Variants in SEMA5A observed in about 807,000 individuals in gnomAD.
SEMA5A encodes the protein semaphorin 5A, also known as semaphorin-5A.
Under a neutral mutation model 135.5 loss-of-function variants are expected in SEMA5A, and 55 were observed. That is an observed-to-expected ratio of 0.41 (90% CI 0.33 to 0.51). The LOEUF is 0.51. Among genes scored for constraint, SEMA5A ranks in the 20% least tolerant of loss-of-function variants. The pLI, the probability that SEMA5A is intolerant of heterozygous loss-of-function variation, is 0.37. For missense variants in SEMA5A, 1,290 were observed against 1,419.9 expected (o/e 0.91, Z 1.47); for synonymous variants, 580 against 546.5 (o/e 1.06, Z -0.85).
At chr5:9,214,669 A>G (rs3026329) in intron 8 of SEMA5A, among the ~76,000 whole-genome samples, 4,466 of 152,208 alleles carry the variant, frequency 0.029, 236 homozygotes, top group African/African-American at 0.1. Context: ...ATTAGTTCTG[A>G]AACTCTGGGT....
intron 4 of SEMA5A, among the ~76,000 whole-genome samples, chr5:9,331,837 T>A (rs558160109): frequency 6.6e-6 from 1 of 152,366 alleles, no homozygotes; most frequent in South Asian, 2.1e-4. Context: ...AGCAAGTTAA[T>A]CTTTCCTTTT....
Position 9,223,825 on chromosome 5 carries a change from T to C in SEMA5A, c.646+849A>G, listed in dbSNP as rs530721980. ...GATATACAGAGGGCTGCATTTCAGC[T>C]GACACACATCAGGGCTTTGTACACA... On this transcript the variant is annotated intron_variant, in intron 8 of 22. Transcript: ENST00000382496. Among the ~76,000 whole-genome samples the C allele has an allele frequency of 5.9e-5, 9 of 152,316 alleles. No individual in the cohort carries two copies. The East Asian group carries it at 1.7e-3, about 29-fold the overall frequency.
At chr5:9,348,029 A>C (rs367799186) in intron 3 of SEMA5A, among the ~76,000 whole-genome samples, 1 of 152,156 alleles carries the variant, frequency 6.6e-6, no homozygotes, top group African/African-American at 2.4e-5. Context: ...AAATCTCAGG[A>C]TCTAAATGCC....
intron 16 of SEMA5A, among the ~76,000 whole-genome samples, chr5:9,078,412 T>A (rs1459024067): frequency 1.3e-5 from 2 of 152,154 alleles, no homozygotes; most frequent in African/African-American, 2.4e-5. Context: ...ATTGAATACA[T>A]AACAAAAGTC....
chr5:9,189,965 T>C (rs1243143595), intron 11 of SEMA5A, among the ~76,000 whole-genome samples: 1 of 152,190 alleles, frequency 6.6e-6, no homozygotes, highest in African/African-American at 2.4e-5. Flanking sequence ...TCTTAAATTA[T>C]CCAAATTCAA....
chr5:9,161,874 G>A (rs1261532717), intron 11 of SEMA5A, among the ~76,000 whole-genome samples: 1 of 152,222 alleles, frequency 6.6e-6, no homozygotes, highest in Admixed American at 6.5e-5. Context: ...GATGATGGAG[G>A]TTCACCAAGG....
intron 16 of SEMA5A, among the ~76,000 whole-genome samples, chr5:9,096,923 C>G (rs1417370294): frequency 6.6e-6 from 1 of 151,904 alleles, no homozygotes; most frequent in East Asian, 1.9e-4. Context: ...GACAGGTACT[C>G]TCTATGATGA....
intron 1 of SEMA5A, among the ~76,000 whole-genome samples, chr5:9,473,805 A>G (rs1759569843): frequency 6.6e-6 from 1 of 152,204 alleles, no homozygotes; most frequent in Non-Finnish European, 1.5e-5. Flanking sequence ...GATACCAGGC[A>G]TGAATATCCA....
intron 1 of SEMA5A, among the ~76,000 whole-genome samples, chr5:9,453,945 A>G (rs1758739354): frequency 6.6e-6 from 1 of 152,218 alleles, no homozygotes; most frequent in Non-Finnish European, 1.5e-5. Context: ...AATCAGCTCC[A>G]CAGAGGGAGA....
intron 8 of SEMA5A, among the ~76,000 whole-genome samples, chr5:9,211,473 A>T (rs1181227998): frequency 6.6e-6 from 1 of 152,098 alleles, no homozygotes; most frequent in Non-Finnish European, 1.5e-5. Flanking sequence ...TCGAGAGAGC[A>T]CCTCTTGCAG....
chr5:9,425,878 A>G (rs1308349034), intron 2 of SEMA5A, among the ~76,000 whole-genome samples: 3 of 152,206 alleles, frequency 2.0e-5, no homozygotes, highest in Non-Finnish European at 2.9e-5. Flanking sequence ...AAGAAGTTAT[A>G]TATTATCCAC....
At chr5:9,475,887 G>A (rs1759650265) in intron 1 of SEMA5A, among the ~76,000 whole-genome samples, 3 of 152,166 alleles carry the variant, frequency 2.0e-5, no homozygotes, top group Admixed American at 6.5e-5. Context: ...GACACAGGTG[G>A]AAAGAAAATC....
At chr5:9,508,885 A>C (rs1467594860) in intron 1 of SEMA5A, among the ~76,000 whole-genome samples, 1 of 152,158 alleles carries the variant, frequency 6.6e-6, no homozygotes, top group Non-Finnish European at 1.5e-5. Flanking sequence ...ATGCTTAAAA[A>C]CATAGGATGA....
At chr5:9,341,390 AAC>A (rs1753647033) in intron 3 of SEMA5A, among the ~76,000 whole-genome samples, 1 of 152,000 alleles carries the variant, frequency 6.6e-6, no homozygotes, top group African/African-American at 2.4e-5. Context: ...TCAGAAAATG[AAC>A]AGTTTTGGAA....
rs114549390 is a variant in SEMA5A at position 9,395,671 on chromosome 5, G to A, written c.-77-15648C>T. On this transcript the variant is annotated intron_variant, in intron 2 of 22. Coordinates refer to ENST00000382496, the MANE Select transcript of SEMA5A (RefSeq NM_003966.3). Reference sequence around the variant, plus strand: ...CATTTTGGTCCTCAAAGTGGCCCCCGTAGCTAGGTAAATAGAACACACCTG... The same window carrying A: ...CATTTTGGTCCTCAAAGTGGCCCCCATAGCTAGGTAAATAGAACACACCTG... Among the ~76,000 whole-genome samples, 1,481 of 152,260 alleles carry A rather than the reference G, an allele frequency of 9.7e-3. 22 individuals carry two copies. Among genetic ancestry groups the A allele is most frequent in the African/African-American group, 0.034 (1,413 of 41,536 alleles).
chr5:9,179,116 C>T (rs1473182005), intron 11 of SEMA5A, among the ~76,000 whole-genome samples: 1 of 152,044 alleles, frequency 6.6e-6, no homozygotes, highest in Non-Finnish European at 1.5e-5. Flanking sequence ...ACAATACTAC[C>T]CTAACTGGGT....
At chr5:9,148,908 C>T (rs578007006) in intron 12 of SEMA5A, among the ~76,000 whole-genome samples, 6 of 152,106 alleles carry the variant, frequency 3.9e-5, no homozygotes, top group East Asian at 3.9e-4. Context: ...TTAGTGGAGA[C>T]GGGGTTTTGC....
At chr5:9,089,230 G>A (rs1026701544) in intron 16 of SEMA5A, among the ~76,000 whole-genome samples, 2 of 152,182 alleles carry the variant, frequency 1.3e-5, no homozygotes, top group African/African-American at 4.8e-5. Flanking sequence ...GTAAGACATG[G>A]CGCTAATGCG....
chr5:9,545,115 C>A lies in SEMA5A; in HGVS notation c.-175+469G>T, dbSNP rs1341745498. ...CCTCCCGGTTCCCCTGTAAGGAAAG[C>A]AGGAAAACCTGCCCAAGCCGGTGGG... On this transcript the variant is annotated intron_variant, in intron 1 of 22. Transcript: ENST00000382496. The surrounding 1 kb of genome is among the most constrained non-coding windows in gnomAD (Gnocchi z 4.5). 6.6e-6 allele frequency among the ~76,000 whole-genome samples: 1 copy of A among 152,178 alleles called. No individual in the cohort carries two copies. Among genetic ancestry groups the A allele is most frequent in the East Asian group, 1.9e-4 (1 of 5,160 alleles).
Sources: gnomAD v4.1 joint callset for allele counts (sites outside exome capture counted in the v4.1 genomes callset) on GRCh38, gnomAD v4.1.1 for gene constraint, Gnocchi (gnomAD v3.1) non-coding constraint, MANE v1.5 for transcripts, NCBI Gene and HGNC (gene_info 2026-07-23, HGNC 2026-07-21) for gene names.